Variants in LRFN5 observed in about 807,000 individuals in gnomAD.
LRFN5 encodes leucine rich repeat and fibronectin type III domain containing 5, also known as leucine-rich repeat and fibronectin type-III domain-containing protein 5.
In LRFN5, 24 loss-of-function variants were observed where a neutral mutation model predicts 45.6. That is an observed-to-expected ratio of 0.53 (90% CI 0.38 to 0.74). LRFN5 has a LOEUF of 0.74. Among genes scored for constraint, LRFN5 ranks in the 30% least tolerant of loss-of-function variants. The pLI is 0.00. For missense variants in LRFN5, 776 were observed against 861.5 expected, an observed-to-expected ratio of 0.90 and a Z score of 1.24; for synonymous variants, 340 against 313.8, an observed-to-expected ratio of 1.08 and a Z score of -0.88.
At chr14:41,643,283 C>A (rs2138602465) in intron 1 of LRFN5, among the ~76,000 whole-genome samples, 1 of 152,074 alleles carries the variant, frequency 6.6e-6, no homozygotes, top group East Asian at 1.9e-4. Context: ...ATAAAGCTGA[C>A]TAAATAATAT....
At chr14:41,860,842 G>GA (rs1889635793) in intron 2 of LRFN5, among the ~76,000 whole-genome samples, 2 of 152,102 alleles carry the variant, frequency 1.3e-5, no homozygotes, top group Admixed American at 6.6e-5. Context: ...GAAATACTTG[G>GA]AAAACGAAAG....
chr14:41,611,162 C>T (rs370089775), intron 1 of LRFN5, among the ~76,000 whole-genome samples: 2 of 152,178 alleles, frequency 1.3e-5, no homozygotes, highest in African/African-American at 2.4e-5. Context: ...ATGCTGAATG[C>T]TCAGAAACCT....
chr14:41,800,244 T>C (rs1887279826), intron 2 of LRFN5, among the ~76,000 whole-genome samples: 2 of 152,052 alleles, frequency 1.3e-5, no homozygotes, highest in South Asian at 2.1e-4. Context: ...GACTTATGTT[T>C]GGTTGATATT....
chr14:41,707,974 A>T (rs982411016), intron 1 of LRFN5, among the ~76,000 whole-genome samples: 4 of 152,120 alleles, frequency 2.6e-5, no homozygotes, highest in African/African-American at 9.6e-5. Context: ...CTAAATATTT[A>T]TACATGTTAA....
intron 1 of LRFN5, among the ~76,000 whole-genome samples, chr14:41,638,448 A>G (rs1879411739): frequency 6.6e-6 from 1 of 152,128 alleles, no homozygotes; most frequent in African/African-American, 2.4e-5. Context: ...TTGCTTAAAT[A>G]TACTTTTAGG....
At position 41,808,685 on chromosome 14, in the gene LRFN5, A is replaced by C. The variant is rs76328041; in HGVS notation, c.-21+41656A>C. 2.2e-3 allele frequency among the ~76,000 whole-genome samples: 331 copies of C among 152,226 alleles called. 1 individual carries two copies. The highest frequency in any genetic ancestry group is 3.5e-3 in the Non-Finnish European group (236 of 67,998). On this transcript the variant is annotated intron_variant, in intron 2 of 5. Coordinates refer to ENST00000298119, the MANE Select transcript of LRFN5 (RefSeq NM_152447.5). ...TATTAATCCTGACTAAAGCAGATGT[A>C]AAAACACTAAAACAAGATAAATCAA...
rs148407719 is a variant in LRFN5, at chr14:41,680,217, G to A, written c.-197+71655G>A. On this transcript the variant is annotated intron_variant, in intron 1 of 5. Coordinates refer to ENST00000298119, the MANE Select transcript of LRFN5 (RefSeq NM_152447.5). ...CCACCCTGAATGGAAGAACACAAGAGCAGATGGCTTTCCCACTTGCTGATT... is the reference window on the plus strand; with the variant it reads ...CCACCCTGAATGGAAGAACACAAGAACAGATGGCTTTCCCACTTGCTGATT... 5.9e-5 allele frequency among the ~76,000 whole-genome samples: 9 copies of A among 152,306 alleles called. No individual in the cohort carries two copies. In the East Asian group the frequency reaches 1.7e-3, roughly 29 times the overall value.
At chr14:41,662,670 G>A (rs1261032731) in intron 1 of LRFN5, among the ~76,000 whole-genome samples, 3 of 151,976 alleles carry the variant, frequency 2.0e-5, no homozygotes, top group Non-Finnish European at 4.4e-5. Context: ...TGTACATGGA[G>A]TAGAGGAGAG....
intron 2 of LRFN5, among the ~76,000 whole-genome samples, chr14:41,859,334 T>C (rs1889582094): frequency 1.3e-5 from 2 of 152,226 alleles, no homozygotes. Context: ...ATTCACTTTC[T>C]ATGTTCCCTG....
At chr14:41,780,261 A>G (rs999032994) in intron 2 of LRFN5, among the ~76,000 whole-genome samples, 1 of 151,982 alleles carries the variant, frequency 6.6e-6, no homozygotes, top group African/African-American at 2.4e-5. Context: ...ATTTAATTAC[A>G]TTTATTTCCA....
intron 1 of LRFN5, among the ~76,000 whole-genome samples, chr14:41,649,179 G>A (rs1046639326): frequency 6.6e-6 from 1 of 152,010 alleles, no homozygotes; most frequent in African/African-American, 2.4e-5. Context: ...AGGTTGCAGT[G>A]AGCTGAGATT....
At chr14:41,810,577 A>G (rs892543096) in intron 2 of LRFN5, among the ~76,000 whole-genome samples, 2 of 152,076 alleles carry the variant, frequency 1.3e-5, no homozygotes, top group Non-Finnish European at 2.9e-5. Context: ...CAATATTTAC[A>G]TGGCCATTAA....
At chr14:41,702,655 G>A (rs377274714) in intron 1 of LRFN5, among the ~76,000 whole-genome samples, 1 of 151,600 alleles carries the variant, frequency 6.6e-6, no homozygotes, top group East Asian at 2.0e-4. Flanking sequence ...TTTTGAGATG[G>A]GGTTTTGTTG....
intron 1 of LRFN5, among the ~76,000 whole-genome samples, chr14:41,645,956 AT>A (rs1188749156): frequency 6.6e-6 from 1 of 152,164 alleles, no homozygotes; most frequent in Non-Finnish European, 1.5e-5. Context: ...ACCTGAAGTG[AT>A]TTTAAAATTG....
At chr14:41,895,117 T>A (rs1044037223) in intron 4 of LRFN5, 7 of 877,992 alleles carry the variant, frequency 8.0e-6, no homozygotes, top group African/African-American at 5.5e-5. Context: ...AAACTTTTTT[T>A]AAAATTGTGT....
chr14:41,695,228 A>G (rs1485562514), intron 1 of LRFN5, among the ~76,000 whole-genome samples: 1 of 151,974 alleles, frequency 6.6e-6, no homozygotes, highest in Admixed American at 6.6e-5. Flanking sequence ...AAGAGGCTGC[A>G]GAAGAGAAGT....
chr14:41,613,494 ATT>A (rs201505454), intron 1 of LRFN5, among the ~76,000 whole-genome samples: 5 of 151,002 alleles, frequency 3.3e-5, no homozygotes, highest in Admixed American at 3.3e-4. Context: ...CTGTTCTTGC[ATT>A]TTTTTTTGTG....
At position 41,669,134 on chromosome 14, in the gene LRFN5, G is replaced by A. The variant is rs138406531; in HGVS notation, c.-197+60572G>A. Among the ~76,000 whole-genome samples the A allele has an allele frequency of 3.9e-3, 591 of 152,120 alleles. 3 individuals are homozygous for A. Among genetic ancestry groups the A allele is most frequent in the Non-Finnish European group, 6.2e-3 (421 of 67,946 alleles). On this transcript the variant is annotated intron_variant, in intron 1 of 5. Coordinates refer to ENST00000298119, the MANE Select transcript of LRFN5 (RefSeq NM_152447.5). ...AAATAGCAAAACAAAAGGATCTATA[G>A]CTGAAACCATAAACCAATGTGAAGA...
intron 2 of LRFN5, among the ~76,000 whole-genome samples, chr14:41,824,667 T>C (rs1888233246): frequency 6.6e-6 from 1 of 152,188 alleles, no homozygotes; most frequent in Non-Finnish European, 1.5e-5. Context: ...CGGTATACTG[T>C]TCCATCTTTG....
Sources: gnomAD v4.1 joint callset for allele counts (sites outside exome capture counted in the v4.1 genomes callset) on GRCh38, gnomAD v4.1.1 for gene constraint, MANE v1.5 for transcripts, NCBI Gene and HGNC (gene_info 2026-07-23, HGNC 2026-07-21) for gene names.